Variants in AGBL1 observed in about 807,000 individuals in gnomAD.
AGBL1 encodes cytosolic carboxypeptidase 4.
In AGBL1, 130 loss-of-function variants were observed where a neutral mutation model predicts 118.9. The observed-to-expected ratio is 1.09, with a 90% confidence interval of 0.95 to 1.26. The LOEUF is 1.26. Ranked by LOEUF, AGBL1 falls within the 50% of genes most tolerant of loss-of-function variation. AGBL1 has a pLI of 0.00. For synonymous variants in AGBL1, 555 were observed against 478.9 expected, an observed-to-expected ratio of 1.16 and a Z score of -2.08; for missense variants, 1,584 against 1,298.1, an observed-to-expected ratio of 1.22 and a Z score of -3.38.
At chr15:86,599,682 G>T (rs962188049) in intron 21 of AGBL1, among the ~76,000 whole-genome samples, 10 of 151,934 alleles carry the variant, frequency 6.6e-5, no homozygotes, top group African/African-American at 2.4e-4. Flanking sequence ...TCCTATCCTT[G>T]CCAGTAATTT....
At chr15:86,857,651 T>G (rs2079502413) in intron 22 of AGBL1, among the ~76,000 whole-genome samples, 1 of 152,142 alleles carries the variant, frequency 6.6e-6, no homozygotes, top group Non-Finnish European at 1.5e-5. Context: ...GAGTAGTCAT[T>G]TGCTGTTTTT....
rs113847936 is a variant in AGBL1, at chr15:86,823,566, T to C, written c.3159-83521T>C. Among the ~76,000 whole-genome samples the C allele has an allele frequency of 4.0e-3, 604 of 152,304 alleles. 3 individuals are homozygous for C. The highest frequency in any genetic ancestry group is 0.014 in the African/African-American group (584 of 41,572). On this transcript the variant is annotated intron_variant, in intron 22 of 22. Transcript: ENST00000614907. ...AAATACAGCCTTGCTCTAGGAAATA[T>C]AGACTACATGCAATAATAAACTAAA...
chr15:86,526,281 C>T (rs913665061), intron 19 of AGBL1, among the ~76,000 whole-genome samples: 9 of 152,004 alleles, frequency 5.9e-5, no homozygotes. Flanking sequence ...TATGTTAGTA[C>T]AACCTCTATG....
intron 6 of AGBL1, among the ~76,000 whole-genome samples, chr15:86,246,213 G>A (rs1056161629): frequency 3.3e-5 from 5 of 152,174 alleles, no homozygotes; most frequent in Non-Finnish European, 7.3e-5. Flanking sequence ...TGATCTTGGG[G>A]TCTCTTTCAA....
At chr15:86,965,591 C>G (rs2081042671) in intron 23 of AGBL1, among the ~76,000 whole-genome samples, 1 of 151,808 alleles carries the variant, frequency 6.6e-6, no homozygotes, top group Non-Finnish European at 1.5e-5. Context: ...TGCCTGTTCA[C>G]TCTGATGATG....
intron 22 of AGBL1, among the ~76,000 whole-genome samples, chr15:86,875,509 G>C (rs867246984): frequency 1.3e-5 from 2 of 152,332 alleles, no homozygotes; most frequent in Middle Eastern, 3.4e-3. Flanking sequence ...TTCAGTGTCT[G>C]ACTTGCATCT....
At chr15:87,028,743 T>G in intron 24 of AGBL1, 2 of 1,345,426 alleles carry the variant, frequency 1.5e-6, no homozygotes, top group South Asian at 2.4e-5. Context: ...CTCTAAAAGG[T>G]CAATTTGCCA....
chr15:86,121,264 G>C (rs1423327656), intron 1 of AGBL1, among the ~76,000 whole-genome samples: 1 of 152,044 alleles, frequency 6.6e-6, no homozygotes, highest in Non-Finnish European at 1.5e-5. Flanking sequence ...AATTGAATAA[G>C]CAAAAATAAT....
chr15:86,811,243 C>T (rs1019060892), intron 22 of AGBL1, among the ~76,000 whole-genome samples: 1 of 152,058 alleles, frequency 6.6e-6, no homozygotes, highest in Non-Finnish European at 1.5e-5. Flanking sequence ...AGTGGTGAAC[C>T]ATCAGAAATG....
intron 22 of AGBL1, among the ~76,000 whole-genome samples, chr15:86,857,301 C>T (rs8027363): frequency 1.3e-5 from 2 of 151,942 alleles, no homozygotes; most frequent in Non-Finnish European, 2.9e-5. Context: ...ACTGGCTAAA[C>T]CCATCCATCA....
chr15:86,250,341 AT>A (rs910843868), intron 7 of AGBL1, among the ~76,000 whole-genome samples: 20 of 151,920 alleles, frequency 1.3e-4, no homozygotes, highest in African/African-American at 4.8e-4. Flanking sequence ...CCTGGCCAAC[AT>A]GGCAAAACCC....
chr15:86,556,266 A>C, intron 21 of AGBL1: 1 of 1,613,330 alleles, frequency 6.2e-7, no homozygotes, highest in Non-Finnish European at 8.5e-7. Flanking sequence ...GAAAGGGCTC[A>C]CCCAGTGGAT....
At chr15:86,535,137 C>T (rs1231294583) in intron 19 of AGBL1, among the ~76,000 whole-genome samples, 1 of 152,140 alleles carries the variant, frequency 6.6e-6, no homozygotes. Context: ...GCATGTGAGC[C>T]AAGGAAAACA....
intron 24 of AGBL1, among the ~76,000 whole-genome samples, chr15:87,010,566 A>G (rs141136335): frequency 4.6e-5 from 7 of 152,254 alleles, no homozygotes; most frequent in Non-Finnish European, 7.4e-5. Flanking sequence ...CTGCCCTTGG[A>G]CCACACAACT....
chr15:86,781,333 C>G (rs976627669), intron 22 of AGBL1, among the ~76,000 whole-genome samples: 3 of 152,040 alleles, frequency 2.0e-5, no homozygotes, highest in African/African-American at 7.3e-5. Flanking sequence ...TCTCACGTTC[C>G]TCTTTACTGT....
chr15:86,642,504 T>A (rs1026648495), intron 21 of AGBL1, among the ~76,000 whole-genome samples: 3 of 151,966 alleles, frequency 2.0e-5, no homozygotes, highest in Non-Finnish European at 4.4e-5. Flanking sequence ...TGAATTCTTT[T>A]AAAAAAAATT....
chr15:86,587,223 T>C (rs1273332508), intron 21 of AGBL1, among the ~76,000 whole-genome samples: 1 of 152,164 alleles, frequency 6.6e-6, no homozygotes, highest in Non-Finnish European at 1.5e-5. Context: ...ACGGACAGGA[T>C]GAATACTTTA....
chr15:86,665,621 C>T (rs1276965246), intron 21 of AGBL1, among the ~76,000 whole-genome samples: 2 of 151,998 alleles, frequency 1.3e-5, no homozygotes, highest in Admixed American at 1.3e-4. Flanking sequence ...TATATCTAAT[C>T]ATTAATATTT....
chr15:86,842,089 A>C (rs2079253860), intron 22 of AGBL1, among the ~76,000 whole-genome samples: 3 of 138,218 alleles, frequency 2.2e-5, no homozygotes. Flanking sequence ...TGGATCTTGC[A>C]GAAGAAAAAA....
Sources: gnomAD v4.1 joint callset for allele counts (sites outside exome capture counted in the v4.1 genomes callset) on GRCh38, gnomAD v4.1.1 for gene constraint, MANE v1.5 for transcripts, NCBI Gene and HGNC (gene_info 2026-07-23, HGNC 2026-07-21) for gene names.